Variants in CYP7B1 observed in about 807,000 individuals in gnomAD.
The protein encoded by CYP7B1 is cytochrome P450 7B1.
A neutral mutation model predicts 42.7 loss-of-function variants in CYP7B1; 29 were observed. The observed-to-expected ratio is 0.68, with a 90% CI of 0.51 to 0.93. The LOEUF is 0.93. Ranked by LOEUF, CYP7B1 falls within the 40% of genes least tolerant of loss-of-function variation. The pLI is 0.00. For missense variants in CYP7B1, 655 were observed against 600.5 expected (o/e 1.09, Z -0.95); for synonymous variants, 235 against 218.2 (o/e 1.08, Z -0.68).
intron 1 of CYP7B1, among the ~76,000 whole-genome samples, chr8:64,708,040 T>C (rs1209697205): frequency 6.6e-6 from 1 of 152,142 alleles, no homozygotes; most frequent in African/African-American, 2.4e-5. Context: ...CTTGGGAGCA[T>C]GGACTATCAG....
chr8:64,723,757 A>G (rs1165084360), intron 1 of CYP7B1, among the ~76,000 whole-genome samples: 2 of 152,236 alleles, frequency 1.3e-5, no homozygotes, highest in Non-Finnish European at 2.9e-5. Flanking sequence ...GTAAAATCAT[A>G]TATAATCAAA....
intron 1 of CYP7B1, among the ~76,000 whole-genome samples, chr8:64,776,340 G>T (rs1002880967): frequency 1.3e-5 from 2 of 152,066 alleles, no homozygotes; most frequent in African/African-American, 4.8e-5. Flanking sequence ...AAGGAGGTCA[G>T]TTTGCAAATG....
At chr8:64,761,984 AG>A (rs1320548028) in intron 1 of CYP7B1, among the ~76,000 whole-genome samples, 1 of 152,216 alleles carries the variant, frequency 6.6e-6, no homozygotes. Flanking sequence ...AGCAGGAAAC[AG>A]GCATGTTCCA....
intron 1 of CYP7B1, among the ~76,000 whole-genome samples, chr8:64,758,661 G>A (rs955011444): frequency 4.6e-5 from 7 of 152,032 alleles, no homozygotes; most frequent in African/African-American, 1.7e-4. Context: ...AGCAGGCAAA[G>A]AACAGACACA....
At chr8:64,757,135 C>A (rs1011155877) in intron 1 of CYP7B1, among the ~76,000 whole-genome samples, 4 of 152,290 alleles carry the variant, frequency 2.6e-5, no homozygotes, top group African/African-American at 9.6e-5. Flanking sequence ...GTCAACCAAC[C>A]AGCAGAGTGA....
At chr8:64,643,882 C>A (rs976371501) in intron 1 of CYP7B1, among the ~76,000 whole-genome samples, 6 of 152,186 alleles carry the variant, frequency 3.9e-5, no homozygotes, top group Non-Finnish European at 8.8e-5. Flanking sequence ...GCAATTAGGT[C>A]ACATCTTCAG....
chr8:64,620,544 T>C (rs929206372), intron 2 of CYP7B1, among the ~76,000 whole-genome samples: 1 of 152,202 alleles, frequency 6.6e-6, no homozygotes, highest in African/African-American at 2.4e-5. Context: ...TTTAATTTCT[T>C]TATTAAGATG....
In CYP7B1 at chr8:64,611,764, C is replaced by T. The variant is rs1805367324; in HGVS notation, c.1057+3262G>A. Among the ~76,000 whole-genome samples, 5 of 152,234 alleles carry T rather than the reference C, an allele frequency of 3.3e-5. No homozygotes were observed. In the South Asian group the frequency reaches 1.0e-3, roughly 32 times the overall value. Reference sequence around the variant, plus strand: ...TCTACAATTCACCTGAGCCATGTGGCAGTTCTGATTTACCTTGACTTTCCA... The same window carrying T: ...TCTACAATTCACCTGAGCCATGTGGTAGTTCTGATTTACCTTGACTTTCCA... On this transcript the variant is annotated intron_variant, in intron 4 of 5. Transcript: ENST00000310193.
intron 1 of CYP7B1, among the ~76,000 whole-genome samples, chr8:64,721,522 T>G (rs1807236229): frequency 1.3e-5 from 2 of 152,172 alleles, no homozygotes; most frequent in African/African-American, 2.4e-5. Context: ...CTGTCGCACT[T>G]TAAGCAAAAC....
At chr8:64,659,818 G>A (rs1022911090) in intron 1 of CYP7B1, among the ~76,000 whole-genome samples, 6 of 152,112 alleles carry the variant, frequency 3.9e-5, no homozygotes, top group Non-Finnish European at 5.9e-5. Flanking sequence ...ACAGCCTGGT[G>A]GAGTTATCCA....
At chr8:64,633,144 G>A (rs994120068) in intron 1 of CYP7B1, among the ~76,000 whole-genome samples, 2 of 152,030 alleles carry the variant, frequency 1.3e-5, no homozygotes, top group African/African-American at 2.4e-5. Flanking sequence ...TTTTAAATCC[G>A]GTACACTATC....
At chr8:64,787,831 C>A (rs989306838) in intron 1 of CYP7B1, among the ~76,000 whole-genome samples, 1 of 152,180 alleles carries the variant, frequency 6.6e-6, no homozygotes, top group African/African-American at 2.4e-5. Flanking sequence ...ACTAACAGTT[C>A]TGCATGGCTG....
chr8:64,598,049 A>G (rs1425346715), intron 5 of CYP7B1, among the ~76,000 whole-genome samples: 1 of 152,218 alleles, frequency 6.6e-6, no homozygotes, highest in Non-Finnish European at 1.5e-5. Context: ...CATTTCCTTT[A>G]AAACTATTAG....
chr8:64,690,610 C>A (rs1806723901), intron 1 of CYP7B1, among the ~76,000 whole-genome samples: 1 of 152,086 alleles, frequency 6.6e-6, no homozygotes, highest in South Asian at 2.1e-4. Flanking sequence ...ATGTATTATT[C>A]TTTTTCAAAT....
At chr8:64,603,712 T>G (rs1415715445) in intron 5 of CYP7B1, among the ~76,000 whole-genome samples, 1 of 152,190 alleles carries the variant, frequency 6.6e-6, no homozygotes, top group African/African-American at 2.4e-5. Context: ...AGAAACTATA[T>G]GTACACTCCC....
intron 1 of CYP7B1, among the ~76,000 whole-genome samples, chr8:64,665,637 C>T (rs939565296): frequency 8.5e-5 from 10 of 118,252 alleles, no homozygotes; most frequent in Non-Finnish European, 9.7e-5. Context: ...AGTGCAATGG[C>T]GCAATCTCAG....
intron 1 of CYP7B1, among the ~76,000 whole-genome samples, chr8:64,646,461 G>C (rs1228604966): frequency 6.6e-6 from 1 of 152,210 alleles, no homozygotes; most frequent in Non-Finnish European, 1.5e-5. Flanking sequence ...AAGGCTGTAG[G>C]ATTTCTAGAT....
chr8:64,618,153 C>G (rs944343635), intron 2 of CYP7B1, among the ~76,000 whole-genome samples: 2 of 150,814 alleles, frequency 1.3e-5, no homozygotes, highest in Non-Finnish European at 3.0e-5. Flanking sequence ...ACCATCACAG[C>G]TTAATTAAAT....
chr8:64,794,219 T>C (rs553213746), intron 1 of CYP7B1, among the ~76,000 whole-genome samples: 13 of 152,080 alleles, frequency 8.5e-5, no homozygotes, highest in Non-Finnish European at 1.3e-4. Context: ...ACTTCAGAAA[T>C]CTCTATATAT....
Sources: allele counts gnomAD v4.1 joint callset (sites outside exome capture counted in the v4.1 genomes callset), GRCh38; gene constraint gnomAD v4.1.1; transcripts MANE v1.5; gene names NCBI Gene and HGNC (gene_info 2026-07-23, HGNC 2026-07-21).